The following MBNL2 variants were observed in gnomAD, a reference collection of about 807,000 sequenced individuals.
MBNL2 encodes muscleblind like splicing regulator 2, also known as muscleblind-like protein 2.
A neutral mutation model predicts 41.9 loss-of-function variants in MBNL2; 17 were observed. The ratio of observed to expected loss-of-function variants is 0.41; its 90% CI spans 0.28 to 0.61. The LOEUF (loss-of-function observed/expected upper bound fraction) is 0.61, where lower values mean the gene tolerates loss of function less well. Among genes scored for constraint, MBNL2 ranks in the 20% least tolerant of loss-of-function variants. The pLI is 0.35. For synonymous variants in MBNL2, 195 were observed against 182.9 expected (o/e 1.07, Z -0.53); for missense variants, 336 against 505.6 (o/e 0.66, Z 3.22).
intron 2 of MBNL2, among the ~76,000 whole-genome samples, chr13:97,311,305 A>C (rs2058590520): frequency 6.6e-6 from 1 of 152,204 alleles, no homozygotes; most frequent in Admixed American, 6.5e-5. Context: ...TCGGCTCCAT[A>C]AGAACAATCA....
chr13:97,214,767 T>C, the MBNL2 span, among the ~76,000 whole-genome samples: 2 of 152,092 alleles, frequency 1.3e-5, no homozygotes, highest in Non-Finnish European at 2.9e-5. Context: ...CATCCTTTAT[T>C]ATAGGAGAAA....
At chr13:97,277,236 G>A (rs935756217) in intron 2 of MBNL2, among the ~76,000 whole-genome samples, 1 of 152,160 alleles carries the variant, frequency 6.6e-6, no homozygotes, top group Non-Finnish European at 1.5e-5. Flanking sequence ...TGAGTTAACC[G>A]CTAATGCTGG....
chr13:97,215,498 A>C, the MBNL2 span, among the ~76,000 whole-genome samples: 1 of 152,220 alleles, frequency 6.6e-6, no homozygotes, highest in African/African-American at 2.4e-5. Flanking sequence ...GTAGTTGTTA[A>C]GCTGATAAAA....
chr13:97,348,231 A>C (rs2062077053), intron 5 of MBNL2, among the ~76,000 whole-genome samples: 1 of 151,554 alleles, frequency 6.6e-6, no homozygotes, highest in Non-Finnish European at 1.5e-5. Context: ...TCTAAGTTCT[A>C]ATTTTTTTTG....
At chr13:97,376,954 G>A (rs1254362255) in intron 8 of MBNL2, among the ~76,000 whole-genome samples, 1 of 152,170 alleles carries the variant, frequency 6.6e-6, no homozygotes. Flanking sequence ...GTCCTGCCTA[G>A]AACAATATTA....
chr13:97,167,326 A>T, the MBNL2 span, among the ~76,000 whole-genome samples: 1 of 152,016 alleles, frequency 6.6e-6, no homozygotes, highest in Non-Finnish European at 1.5e-5. Flanking sequence ...GAATTCATTT[A>T]CATGCTCCAC....
At chr13:97,145,604 A>G in the MBNL2 span, among the ~76,000 whole-genome samples, 1 of 152,186 alleles carries the variant, frequency 6.6e-6, no homozygotes, top group South Asian at 2.1e-4. Flanking sequence ...GGCAGCACGT[A>G]TTCTGTTACT....
chr13:97,309,033 G>T (rs1445939436), intron 2 of MBNL2, among the ~76,000 whole-genome samples: 2 of 152,164 alleles, frequency 1.3e-5, no homozygotes, highest in Admixed American at 1.3e-4. Context: ...GAGCCCATGA[G>T]CATAGGCGCA....
At chr13:97,235,056 GCAAA>G (rs2043017886) in intron 1 of MBNL2, among the ~76,000 whole-genome samples, 1 of 152,164 alleles carries the variant, frequency 6.6e-6, no homozygotes, top group Non-Finnish European at 1.5e-5. Flanking sequence ...GACACGCAGA[GCAAA>G]CAAAGGAAGG....
At chr13:97,317,745 T>A (rs1338629201) in intron 2 of MBNL2, among the ~76,000 whole-genome samples, 1 of 152,238 alleles carries the variant, frequency 6.6e-6, no homozygotes, top group African/African-American at 2.4e-5. Flanking sequence ...TAGTTTGAAG[T>A]ATTAAAAGCC....
chr13:97,149,475 G>A, the MBNL2 span, among the ~76,000 whole-genome samples: 1 of 152,106 alleles, frequency 6.6e-6, no homozygotes, highest in Non-Finnish European at 1.5e-5. Context: ...ACCTTGGTAT[G>A]ACTCTAGCTG....
At chr13:97,155,503 G>T in the MBNL2 span, among the ~76,000 whole-genome samples, 31 of 148,238 alleles carry the variant, frequency 2.1e-4, no homozygotes, top group African/African-American at 7.8e-4. Context: ...CCACTAACTC[G>T]TCATCTAGCA....
intron 6 of MBNL2, 84 bp downstream of exon 6, chr13:97,356,933 GCAAA>G: frequency 1.3e-6 from 1 of 798,196 alleles, no homozygotes; most frequent in Non-Finnish European, 1.8e-6. Context: ...AATACTGGTT[GCAAA>G]CAATCATTAT....
At chr13:97,344,718 G>A (rs532772423) in intron 4 of MBNL2, among the ~76,000 whole-genome samples, 1 of 152,214 alleles carries the variant, frequency 6.6e-6, no homozygotes, top group South Asian at 2.1e-4. Context: ...AAGTGTTTTG[G>A]GCTCCACCTG....
intron 1 of MBNL2, among the ~76,000 whole-genome samples, chr13:97,248,866 T>C (rs2045987233): frequency 6.6e-6 from 1 of 152,242 alleles, no homozygotes; most frequent in Non-Finnish European, 1.5e-5. Context: ...AGTTATAATT[T>C]AACATTTTTA....
intron 1 of MBNL2, among the ~76,000 whole-genome samples, chr13:97,258,737 G>T (rs569009368): frequency 1.3e-5 from 2 of 152,264 alleles, no homozygotes; most frequent in African/African-American, 4.8e-5. Context: ...ATAGTGGGAT[G>T]GGGCTGGATG....
chr13:97,337,649 T>G (rs942963958), intron 3 of MBNL2, among the ~76,000 whole-genome samples: 1 of 152,186 alleles, frequency 6.6e-6, no homozygotes, highest in African/African-American at 2.4e-5. Flanking sequence ...CACCTTTAAA[T>G]TTCTTAAAGG....
chr13:97,357,587 G>C lies in MBNL2; in HGVS notation c.964G>C (p.Ala322Pro). 1 of 1,613,994 alleles carries C rather than the reference G, an allele frequency of 6.2e-7. No homozygotes were observed. Among genetic ancestry groups the C allele is most frequent in the Non-Finnish European group, 8.5e-7 (1 of 1,179,966 alleles). ...CCCCAGCGTCTTGCACTACCAGCAG[G>C]CTCTCACCAGCGCACAGTTGCAGCA... ...FNPSVLHYQQ[A>P]LTSAQLQQHA... Residue 322 changes from alanine (A) to proline (P), a missense_variant, in exon 7 of 9, where the codon GCT becomes CCT. By Grantham distance (27) the Ala-to-Pro change is conservative. Transcript: ENST00000679496.
At chr13:97,180,594 G>T in the MBNL2 span, among the ~76,000 whole-genome samples, 28 of 151,860 alleles carry the variant, frequency 1.8e-4, no homozygotes, top group South Asian at 5.8e-3. Flanking sequence ...AACTAGCTGG[G>T]TGTGGTGCAT....
Sources: allele counts gnomAD v4.1 joint callset (sites outside exome capture counted in the v4.1 genomes callset), GRCh38; gene constraint gnomAD v4.1.1; transcripts MANE v1.5; gene names NCBI Gene and HGNC (gene_info 2026-07-23, HGNC 2026-07-21).